DLGAP2: variants seen among roughly 807,000 people sequenced by gnomAD.
DLGAP2 encodes disks large-associated protein 2.
A neutral mutation model predicts 100.3 loss-of-function variants in DLGAP2; 26 were observed. The observed-to-expected ratio is 0.26, with a 90% CI of 0.19 to 0.36. The LOEUF (loss-of-function observed/expected upper bound fraction) is 0.36. DLGAP2 is among the 10% of genes least tolerant of loss of function. The probability of loss-of-function intolerance (pLI) is 1.00; values close to 1 mark genes in which losing one functional copy is unlikely to be tolerated. For synonymous variants in DLGAP2, 886 were observed against 630.1 expected (o/e 1.41, Z -6.08); for missense variants, 1,858 against 1,453.2 (o/e 1.28, Z -4.53).
chr8:1,349,708 C>A (rs1009071915), intron 3 of DLGAP2, among the ~76,000 whole-genome samples: 3 of 151,510 alleles, frequency 2.0e-5, no homozygotes, highest in Non-Finnish European at 2.9e-5. Flanking sequence ...CCACGCATGT[C>A]ATGAGCCTCC....
intron 6 of DLGAP2, among the ~76,000 whole-genome samples, chr8:1,593,680 A>G (rs779323647): frequency 3.5e-4 from 50 of 144,564 alleles, no homozygotes; most frequent in Non-Finnish European, 6.3e-4. Flanking sequence ...CAGCACCCCA[A>G]CTTTTCCAAG....
At chr8:872,335 T>G (rs1006353562) in intron 1 of DLGAP2, among the ~76,000 whole-genome samples, 18 of 147,512 alleles carry the variant, frequency 1.2e-4, no homozygotes, top group Non-Finnish European at 2.6e-4. Context: ...CTTCTTTTCT[T>G]TTTTTTTTTT....
intron 1 of DLGAP2, among the ~76,000 whole-genome samples, chr8:846,409 C>A (rs76648646): frequency 6.6e-6 from 1 of 152,208 alleles, no homozygotes; most frequent in African/African-American, 2.4e-5. Context: ...CTGTGCCTGG[C>A]TCTCTTCACT....
At chr8:1,341,813 C>G (rs1393507619) in intron 3 of DLGAP2, among the ~76,000 whole-genome samples, 2 of 152,294 alleles carry the variant, frequency 1.3e-5, no homozygotes, top group East Asian at 3.9e-4. Flanking sequence ...CATCTGCAGG[C>G]CCTGGCACAT....
intron 2 of DLGAP2, among the ~76,000 whole-genome samples, chr8:1,186,543 T>C (rs2116715155): frequency 6.6e-6 from 1 of 152,302 alleles, no homozygotes; most frequent in Non-Finnish European, 1.5e-5. Context: ...CTAAGCGTCC[T>C]GATAACCCTG....
At chr8:958,721 G>T (rs73673034) in intron 2 of DLGAP2, among the ~76,000 whole-genome samples, 1 of 152,044 alleles carries the variant, frequency 6.6e-6, no homozygotes, top group Admixed American at 6.6e-5. Flanking sequence ...CATACCAAAG[G>T]TTAGAAGAGT....
chr8:748,587 C>A (rs912256146), intron 1 of DLGAP2, among the ~76,000 whole-genome samples: 1 of 152,166 alleles, frequency 6.6e-6, no homozygotes, highest in Non-Finnish European at 1.5e-5. Flanking sequence ...TATCTCGTAT[C>A]ATTTACCACG....
rs559133365 is a variant in DLGAP2 at position 1,094,024 on chromosome 8, G to A, written c.74-164827G>A. ...TCCCCGGTGGAGGGAGGGCAGCTTC[G>A]CGGTGGGTGGAGGGAGGGCAGCTCC... On this transcript the variant is annotated intron_variant, in intron 2 of 14. Transcript: ENST00000637795. 3.1e-3 allele frequency among the ~76,000 whole-genome samples: 471 copies of A among 150,872 alleles called. 2 individuals carry two copies. The highest frequency in any genetic ancestry group is 0.011 in the African/African-American group (449 of 41,166).
chr8:930,836 C>G (rs1312835986), intron 2 of DLGAP2, among the ~76,000 whole-genome samples: 3 of 152,144 alleles, frequency 2.0e-5, no homozygotes, highest in African/African-American at 7.2e-5. Context: ...ATTTACATCC[C>G]GTTTATTATG....
intron 1 of DLGAP2, among the ~76,000 whole-genome samples, chr8:880,202 T>A (rs1421488743): frequency 6.6e-6 from 1 of 152,170 alleles, no homozygotes; most frequent in Non-Finnish European, 1.5e-5. Context: ...CATCTCCTTC[T>A]CTTAGGTTTG....
intron 2 of DLGAP2, among the ~76,000 whole-genome samples, chr8:1,217,822 A>T (rs1007305191): frequency 5.3e-5 from 8 of 152,086 alleles, no homozygotes; most frequent in African/African-American, 1.9e-4. Flanking sequence ...AGGGTATCTC[A>T]TTGTGATTTT....
At position 1,426,160 on chromosome 8, in the gene DLGAP2, T is replaced by G. The variant is rs150244198; in HGVS notation, c.107-75206T>G. On this transcript the variant is annotated intron_variant, in intron 3 of 14. Coordinates refer to ENST00000637795, the MANE Select transcript of DLGAP2 (RefSeq NM_001346810.2). Reference sequence around the variant, plus strand: ...GAGAAACTCACCTCAAGGCCACACATGCAGCAGGACAACTGTGAACTGACT... The same window carrying G: ...GAGAAACTCACCTCAAGGCCACACAGGCAGCAGGACAACTGTGAACTGACT... Among the ~76,000 whole-genome samples the G allele has an allele frequency of 2.8e-3, 423 of 152,180 alleles. 1 individual carries two copies. Among genetic ancestry groups the G allele is most frequent in the African/African-American group, 9.5e-3 (396 of 41,514 alleles).
At chr8:1,304,005 G>T (rs1274813687) in intron 3 of DLGAP2, among the ~76,000 whole-genome samples, 1 of 152,234 alleles carries the variant, frequency 6.6e-6, no homozygotes, top group African/African-American at 2.4e-5. Flanking sequence ...GACCCTGGAA[G>T]GCTGCTTAGC....
At chr8:1,047,252 G>T (rs1002083428) in intron 2 of DLGAP2, among the ~76,000 whole-genome samples, 1 of 152,092 alleles carries the variant, frequency 6.6e-6, no homozygotes, top group South Asian at 2.1e-4. Flanking sequence ...CAACCTTTGC[G>T]GTCTGGTTTC....
intron 1 of DLGAP2, among the ~76,000 whole-genome samples, chr8:906,789 C>T (rs990189647): frequency 2.0e-5 from 3 of 152,206 alleles, no homozygotes; most frequent in African/African-American, 4.8e-5. Context: ...TGTGATTGAA[C>T]TTTTAATTCC....
rs570392149 is a variant in DLGAP2, at chr8:1,072,404, G to A, written c.73+164438G>A. Among the ~76,000 whole-genome samples the A allele has an allele frequency of 1.4e-4, 22 of 152,356 alleles. 1 individual carries two copies. The South Asian group carries it at 4.6e-3, about 32-fold the overall frequency. On this transcript the variant is annotated intron_variant, in intron 2 of 14. Coordinates refer to ENST00000637795, the MANE Select transcript of DLGAP2 (RefSeq NM_001346810.2). ...CATCCAATGAAAATTTGATGAGTTTGATTTGTAGAAATCTTTACTGGGTGT... is the reference window on the plus strand; with the variant it reads ...CATCCAATGAAAATTTGATGAGTTTAATTTGTAGAAATCTTTACTGGGTGT...
Position 1,527,640 on chromosome 8 carries a change from C to T in DLGAP2, c.173-20986C>T, listed in dbSNP as rs550975553. On this transcript the variant is annotated intron_variant, in intron 4 of 14. Coordinates refer to ENST00000637795, the MANE Select transcript of DLGAP2 (RefSeq NM_001346810.2). ...AACTGAAATACGCTTCCTTTTATAA[C>T]CTATCTATGTGGGAACGGAACGGAA... Among the ~76,000 whole-genome samples the T allele has an allele frequency of 1.1e-4, 17 of 152,260 alleles. No homozygotes were observed. In the South Asian group the frequency reaches 3.5e-3, roughly 32 times the overall value.
chr8:1,418,869 C>G (rs1176811993), intron 3 of DLGAP2, among the ~76,000 whole-genome samples: 2 of 152,222 alleles, frequency 1.3e-5, no homozygotes, highest in Non-Finnish European at 1.5e-5. Flanking sequence ...GGCCCGCTGG[C>G]TAGAGATCAT....
chr8:1,367,181 A>C (rs189464425), intron 3 of DLGAP2, among the ~76,000 whole-genome samples: 1 of 152,142 alleles, frequency 6.6e-6, no homozygotes, highest in African/African-American at 2.4e-5. Flanking sequence ...TTATCTTAGG[A>C]ATGGGGGGTT....
Sources: allele counts gnomAD v4.1 joint callset (sites outside exome capture counted in the v4.1 genomes callset), GRCh38; gene constraint gnomAD v4.1.1; transcripts MANE v1.5; gene names NCBI Gene and HGNC (gene_info 2026-07-23, HGNC 2026-07-21).